The following FAAH variants were observed in gnomAD, a reference collection of about 807,000 sequenced individuals.
FAAH encodes the protein fatty acid amide hydrolase, also known as fatty-acid amide hydrolase 1.
Under a neutral mutation model 69.7 loss-of-function variants are expected in FAAH, and 63 were observed. The ratio of observed to expected loss-of-function variants is 0.90; its 90% CI spans 0.74 to 1.12. The LOEUF is 1.12. FAAH is among the 50% of genes most tolerant of loss of function. The pLI is 0.00. For synonymous variants in FAAH, 305 were observed against 324.2 expected (o/e 0.94, Z 0.64); for missense variants, 680 against 755.0 (o/e 0.90, Z 1.16).
In FAAH at chr1:46,412,239, G is replaced by T; in HGVS notation, c.1453G>T (p.Gly485Cys). 6.4e-7 allele frequency: 1 copy of T among 1,553,152 alleles called. No homozygotes were observed. The highest frequency in any genetic ancestry group is 8.7e-7 in the Non-Finnish European group (1 of 1,147,842). The change falls in exon 13 of 15, where the codon GGC (glycine) becomes TGC (cysteine). Residue 485 changes from glycine to cysteine, a missense_variant. Gly to Cys is a radical substitution (Grantham distance 159). Transcript: ENST00000243167. ...LAPALDLNAP[G>C]RATGAVSYTM... Reference sequence around the variant, plus strand: ...CCCTGCTCTGGACTTGAATGCCCCAGGCAGGGCCACAGGTGAGGCCCGACA... The same window carrying T: ...CCCTGCTCTGGACTTGAATGCCCCATGCAGGGCCACAGGTGAGGCCCGACA...
At chr1:46,400,283 G>A (rs1569808611) in intron 1 of FAAH, among the ~76,000 whole-genome samples, 2 of 152,262 alleles carry the variant, frequency 1.3e-5, no homozygotes, top group East Asian at 3.9e-4. Context: ...ATGCTCTGGA[G>A]CCTGTGGTGT....
rs1307744465 is a variant in FAAH, at chr1:46,394,324, T to G, written c.-25T>G. The G allele has an allele frequency of 1.3e-6, 2 of 1,541,852 alleles. No individual in the cohort carries two copies. Among genetic ancestry groups the G allele is most frequent in the African/African-American group, 1.4e-5 (1 of 70,412 alleles). The stretch of plus-strand genomic sequence containing the variant: ...CGTGCGGCGGCTTCAACTGTCGCGG[T>G]AGGCAGCAGCAGGCTGAAGGGATCA... On this transcript the variant is annotated 5_prime_UTR_variant, in exon 1 of 15. Transcript: ENST00000243167.
At chr1:46,399,301 T>TA (rs1664655643) in intron 1 of FAAH, among the ~76,000 whole-genome samples, 1 of 152,230 alleles carries the variant, frequency 6.6e-6, no homozygotes, top group African/African-American at 2.4e-5. Context: ...GTTTAGATGT[T>TA]ACCTGTATAC....
rs1358140571 is a variant in FAAH, at chr1:46,410,310, A to G, written c.1176-88A>G. ...AGGAGGAGGTGGACAGGATCCCTGC[A>G]TAGAGAATGGGATTGCTGTGGGCCG... is the stretch of plus-strand genomic sequence containing the variant. On this transcript the variant is annotated intron_variant, in intron 9 of 14. Coordinates refer to ENST00000243167, the MANE Select transcript of FAAH (RefSeq NM_001441.3). This position sits in a 1 kb window ranked among gnomAD's most constrained non-coding sequence, Gnocchi z 4.9. 2.0e-6 allele frequency: 2 copies of G among 996,090 alleles called. No homozygotes were observed. The highest frequency in any genetic ancestry group is 1.6e-5 in the African/African-American group (1 of 63,278). 61.7% of individuals were successfully genotyped at this position (996,090 alleles called of 1,614,324 possible).
rs748067242 is a variant in FAAH at position 46,410,535 on chromosome 1, G to T, written c.1275+38G>T. Reference sequence around the variant, plus strand: ...GGAGTGGAGGGGCTAGGATGGCTGGGGGGGAACCTAGGGCCTCCTATCGCA... The same window carrying T: ...GGAGTGGAGGGGCTAGGATGGCTGGTGGGGAACCTAGGGCCTCCTATCGCA... On this transcript the variant is annotated intron_variant, in intron 10 of 14. Coordinates refer to ENST00000243167, the MANE Select transcript of FAAH (RefSeq NM_001441.3). The surrounding 1 kb of genome is among the most constrained non-coding windows in gnomAD (Gnocchi z 4.9). The T allele has an allele frequency of 1.9e-6, 3 of 1,580,986 alleles. No individual in the cohort carries two copies. Among genetic ancestry groups the T allele is most frequent in the South Asian group, 1.1e-5 (1 of 90,320 alleles).
chr1:46,398,685 C>T (rs1456780863), intron 1 of FAAH, among the ~76,000 whole-genome samples: 1 of 152,134 alleles, frequency 6.6e-6, no homozygotes, highest in Non-Finnish European at 1.5e-5. Flanking sequence ...CAGGTGCCTG[C>T]CACCACATCC....
chr1:46,401,885 A>G (rs1305323482), intron 1 of FAAH, among the ~76,000 whole-genome samples: 1 of 148,172 alleles, frequency 6.7e-6, no homozygotes, highest in Admixed American at 6.7e-5. Flanking sequence ...GTCTCTAAGG[A>G]AAAAAAAAAC....
At position 46,402,215 on chromosome 1, in the gene FAAH, C is replaced by A; in HGVS notation, c.309+11C>A. The A allele has an allele frequency of 6.4e-7, 1 of 1,569,172 alleles. No individual in the cohort carries two copies. The highest frequency in any genetic ancestry group is 8.6e-7 in the Non-Finnish European group (1 of 1,159,226). On this transcript the variant is annotated intron_variant, in intron 2 of 14. Coordinates refer to ENST00000243167, the MANE Select transcript of FAAH (RefSeq NM_001441.3). ...ACCTATGTGGGAAAGGTAAGGCCAGCCAAGGCCAGCCCCTCCCTGGGAAAG... is the reference window on the plus strand; with the variant it reads ...ACCTATGTGGGAAAGGTAAGGCCAGACAAGGCCAGCCCCTCCCTGGGAAAG...
intron 1 of FAAH, among the ~76,000 whole-genome samples, chr1:46,396,911 C>A (rs1364510364): frequency 6.6e-6 from 1 of 152,228 alleles, no homozygotes; most frequent in Non-Finnish European, 1.5e-5. Context: ...GCCAAGATAT[C>A]TCATATTTAT....
chr1:46,409,335 G>C, intron 9 of FAAH, 137 bp downstream of exon 9: 1 of 728,828 alleles, frequency 1.4e-6, no homozygotes, highest in Non-Finnish European at 2.5e-6. Context: ...CAGGGACCTC[G>C]CTGTCCCTCC....
rs931535906 is a variant in FAAH at position 46,410,984 on chromosome 1, G to A, written c.1316+130G>A. The A allele has an allele frequency of 4.4e-6, 5 of 1,143,252 alleles. No individual in the cohort carries two copies. Among genetic ancestry groups the A allele is most frequent in the African/African-American group, 1.5e-5 (1 of 65,664 alleles). 70.8% of individuals were successfully genotyped at this position (1,143,252 alleles called of 1,614,324 possible). Reference sequence around the variant, plus strand: ...GGCTGGAAGTGGCCCAGGCAGGGGGGCAACCTTTGTGGCCTTCAGATGGGA... The same window carrying A: ...GGCTGGAAGTGGCCCAGGCAGGGGGACAACCTTTGTGGCCTTCAGATGGGA... On this transcript the variant is annotated intron_variant, in intron 11 of 14. Coordinates refer to ENST00000243167, the MANE Select transcript of FAAH (RefSeq NM_001441.3). This position sits in a 1 kb window ranked among gnomAD's most constrained non-coding sequence, Gnocchi z 4.9.
In FAAH at chr1:46,410,926, G is replaced by T; in HGVS notation, c.1316+72G>T. The T allele has an allele frequency of 6.3e-7, 1 of 1,589,012 alleles. No homozygotes were observed. The highest frequency in any genetic ancestry group is 8.6e-7 in the Non-Finnish European group (1 of 1,157,302). On this transcript the variant is annotated intron_variant, in intron 11 of 14. Transcript: ENST00000243167. The surrounding 1 kb of genome is among the most constrained non-coding windows in gnomAD (Gnocchi z 4.9). ...CCGAGTCTGGGTCTGGGTAGTTTCT[G>T]ACAGGAAAGGACTTGAGGGAAGTAG...
chr1:46,412,775 C>T (rs1250522068), intron 13 of FAAH, among the ~76,000 whole-genome samples: 1 of 152,158 alleles, frequency 6.6e-6, no homozygotes, highest in Admixed American at 6.5e-5. Context: ...CACACCACTG[C>T]ACTCCAGCCT....
chr1:46,394,403 G>A lies in FAAH; in HGVS notation c.55G>A (p.Ala19Thr). The A allele has an allele frequency of 6.6e-7, 1 of 1,510,132 alleles. No homozygotes were observed. Among genetic ancestry groups the A allele is most frequent in the Non-Finnish European group, 8.8e-7 (1 of 1,134,124 alleles). 93.5% of individuals were successfully genotyped at this position (1,510,132 alleles called of 1,614,324 possible). Residue 19 changes from alanine (A) to threonine (T), a missense_variant, in exon 1 of 15, where the codon GCC becomes ACC. Physicochemically the swap from Ala to Thr is moderately conservative, Grantham distance 58. Transcript: ENST00000243167. The stretch of plus-strand genomic sequence containing the variant: ...GCCTGGCGCCTCCGGGGTCGCCCTG[G>A]CCTGCTGCTTCGTGGCGGCGGCCGT... The part of the protein sequence containing the change: ...ALPGASGVAL[A>T]CCFVAAAVAL...
Position 46,394,465 on chromosome 1 carries a change from C to T in FAAH, c.117C>T (p.Gly39=). The T allele has an allele frequency of 7.2e-7, 1 of 1,381,056 alleles. No homozygotes were observed. Among genetic ancestry groups the T allele is most frequent in the Non-Finnish European group, 9.3e-7 (1 of 1,074,736 alleles). 85.6% of individuals were successfully genotyped at this position (1,381,056 alleles called of 1,614,324 possible). A position where few individuals can be genotyped will look rare whatever the true frequency, so the allele number is the denominator to read the frequency against. ...LRWSGRRTAR[G]AVVRARQRQR... ...GGTCCGGGCGCCGGACGGCGCGGGG[C>T]GCGGTGGTCCGGGCGCGACAGAGGC... The change falls in exon 1 of 15, where the codon GGC becomes GGT. Residue 39 remains glycine, a synonymous_variant. Transcript: ENST00000243167.
In FAAH at chr1:46,410,312, A is replaced by C; in HGVS notation, c.1176-86A>C. On this transcript the variant is annotated intron_variant, in intron 9 of 14. Coordinates refer to ENST00000243167, the MANE Select transcript of FAAH (RefSeq NM_001441.3). This position sits in a 1 kb window ranked among gnomAD's most constrained non-coding sequence, Gnocchi z 4.9. ...GAGGAGGTGGACAGGATCCCTGCAT[A>C]GAGAATGGGATTGCTGTGGGCCGGG... 9.9e-7 allele frequency: 1 copy of C among 1,013,812 alleles called. No homozygotes were observed. Among genetic ancestry groups the C allele is most frequent in the Non-Finnish European group, 1.6e-6 (1 of 633,108 alleles). The allele number at this position is 1,013,812 out of a possible 1,614,324, so 62.8% of individuals were successfully genotyped here.
Position 46,405,274 on chromosome 1 carries a change from G to A in FAAH, c.445-98G>A, listed in dbSNP as rs1031949168. On this transcript the variant is annotated intron_variant, in intron 3 of 14. Transcript: ENST00000243167. This position sits in a 1 kb window ranked among gnomAD's most constrained non-coding sequence, Gnocchi z 4.1. ...CCAGAGGCCTTCCGAGGGGACACTG[G>A]TATACCTGTTTTGGCCTGTGTGACA... 2 of 1,607,570 alleles carry A rather than the reference G, an allele frequency of 1.2e-6. No homozygotes were observed. Among genetic ancestry groups the A allele is most frequent in the Non-Finnish European group, 1.7e-6 (2 of 1,179,270 alleles).
chr1:46,397,241 C>G (rs1282729697), intron 1 of FAAH, among the ~76,000 whole-genome samples: 1 of 152,248 alleles, frequency 6.6e-6, no homozygotes, highest in Admixed American at 6.5e-5. Context: ...CAGAACTCCC[C>G]TCCTGGTTGC....
rs375827223 is a variant in FAAH, at chr1:46,406,358, T to C, written c.941T>C (p.Phe314Ser). ...GACCCCACTGTGCCTCCCTTGCCCT[T>C]CAGAGAAGAGGTGAGCAGGGCTGGG... ...RLDPTVPPLP[F>S]REEVYTSSQP... Residue 314 changes from phenylalanine to serine, a missense_variant, in exon 7 of 15, where the codon TTC becomes TCC. Coordinates refer to ENST00000243167, the MANE Select transcript of FAAH (RefSeq NM_001441.3). The C allele has an allele frequency of 1.2e-6, 2 of 1,613,984 alleles. No homozygotes were observed. The highest frequency in any genetic ancestry group is 1.7e-6 in the Non-Finnish European group (2 of 1,180,008).
Sources: allele counts gnomAD v4.1 joint callset (sites outside exome capture counted in the v4.1 genomes callset), GRCh38; gene constraint gnomAD v4.1.1; non-coding constraint Gnocchi (gnomAD v3.1); transcripts MANE v1.5; gene names NCBI Gene and HGNC (gene_info 2026-07-23, HGNC 2026-07-21).